RPS6KA5: variants seen among roughly 807,000 people sequenced by gnomAD.
The protein encoded by RPS6KA5 is ribosomal protein S6 kinase A5.
Under a neutral mutation model 85.5 loss-of-function variants are expected in RPS6KA5, and 27 were observed. The ratio of observed to expected loss-of-function variants is 0.32; its 90% CI spans 0.23 to 0.44. RPS6KA5 has a LOEUF of 0.44. Ranked by LOEUF, RPS6KA5 falls within the 20% of genes least tolerant of loss-of-function variation. The probability of loss-of-function intolerance (pLI) is 1.00; values close to 1 mark genes in which losing one functional copy is unlikely to be tolerated. For missense variants in RPS6KA5, 811 were observed against 980.9 expected (o/e 0.83, Z 2.31); for synonymous variants, 334 against 348.2 (o/e 0.96, Z 0.46).
intron 5 of RPS6KA5, among the ~76,000 whole-genome samples, chr14:90,935,089 C>T (rs1566761014): frequency 6.6e-6 from 1 of 152,094 alleles, no homozygotes; most frequent in Non-Finnish European, 1.5e-5. Context: ...GACTACATGT[C>T]AGTACAAATC....
intron 3 of RPS6KA5, among the ~76,000 whole-genome samples, chr14:90,958,046 A>G (rs1275403998): frequency 6.6e-6 from 1 of 152,200 alleles, no homozygotes; most frequent in Non-Finnish European, 1.5e-5. Context: ...AGGCTGAGCC[A>G]GGAGGATCGC....
chr14:91,003,602 C>T (rs1053608491), intron 1 of RPS6KA5, among the ~76,000 whole-genome samples: 6 of 152,180 alleles, frequency 3.9e-5, no homozygotes, highest in Non-Finnish European at 7.3e-5. Flanking sequence ...TTGAAGGTTT[C>T]CAGGTAATGA....
chr14:91,029,810 A>G (rs79437880), intron 1 of RPS6KA5, among the ~76,000 whole-genome samples: 6,209 of 152,280 alleles, frequency 0.041, 313 homozygotes, highest in African/African-American at 0.13. Context: ...TAATTATACA[A>G]TATATGTACA....
At chr14:90,978,160 T>G in intron 3 of RPS6KA5, 146 bp downstream of exon 3, 1 of 566,124 alleles carries the variant, frequency 1.8e-6, no homozygotes, top group Non-Finnish European at 3.0e-6. Flanking sequence ...CAATGCATGA[T>G]ATTCCAGGAG....
At chr14:90,879,368 G>C (rs1358575551) in intron 14 of RPS6KA5, among the ~76,000 whole-genome samples, 2 of 152,242 alleles carry the variant, frequency 1.3e-5, no homozygotes, top group East Asian at 3.8e-4. Flanking sequence ...TGATAAGCCT[G>C]GTTGGCAGAT....
At chr14:90,917,673 T>G (rs2036192974) in intron 7 of RPS6KA5, among the ~76,000 whole-genome samples, 1 of 152,204 alleles carries the variant, frequency 6.6e-6, no homozygotes, top group African/African-American at 2.4e-5. Context: ...TTCTCGCTTC[T>G]TTCACTTGGT....
At chr14:91,004,815 A>G (rs1484993157) in intron 1 of RPS6KA5, among the ~76,000 whole-genome samples, 1 of 151,942 alleles carries the variant, frequency 6.6e-6, no homozygotes, top group Non-Finnish European at 1.5e-5. Flanking sequence ...AAAATACAAA[A>G]AAATTAGCCG....
In RPS6KA5 at chr14:90,905,165, C is replaced by T. The variant is rs886990894; in HGVS notation, c.957+984G>A. Among the ~76,000 whole-genome samples the T allele has an allele frequency of 2.0e-5, 3 of 151,774 alleles. No individual in the cohort carries two copies. In the South Asian group the frequency reaches 6.2e-4, roughly 32 times the overall value. On this transcript the variant is annotated intron_variant, in intron 8 of 16. Transcript: ENST00000614987. Reference sequence around the variant, plus strand: ...CATTGAGAGACTAAGAGAAATATGCCTTTTTTTGAGCACAGAAGAGCAGAG... The same window carrying T: ...CATTGAGAGACTAAGAGAAATATGCTTTTTTTTGAGCACAGAAGAGCAGAG...
chr14:91,053,477 A>G (rs2043177735), intron 1 of RPS6KA5, among the ~76,000 whole-genome samples: 1 of 152,340 alleles, frequency 6.6e-6, no homozygotes, highest in South Asian at 2.1e-4. Context: ...CCACTAAACT[A>G]TTAGAACCAA....
intron 5 of RPS6KA5, among the ~76,000 whole-genome samples, chr14:90,938,734 G>A (rs1020822703): frequency 2.0e-5 from 3 of 152,206 alleles, no homozygotes; most frequent in African/African-American, 7.2e-5. Context: ...AGTCATGGCT[G>A]TAGCAGCTGG....
chr14:90,899,302 G>A (rs1247720279), intron 12 of RPS6KA5, 27 bp downstream of exon 12: 22 of 1,281,750 alleles, frequency 1.7e-5, no homozygotes, highest in African/African-American at 4.7e-5. Context: ...GTACACATGG[G>A]AAAAAAAAAA....
chr14:90,911,990 C>T (rs954424116), intron 7 of RPS6KA5, among the ~76,000 whole-genome samples: 2 of 152,068 alleles, frequency 1.3e-5, no homozygotes, highest in Admixed American at 6.5e-5. Flanking sequence ...ACTGGGGGTA[C>T]TTCCCCACCA....
intron 13 of RPS6KA5, among the ~76,000 whole-genome samples, chr14:90,893,003 G>A (rs943839340): frequency 1.7e-4 from 26 of 152,162 alleles, no homozygotes; most frequent in Non-Finnish European, 2.8e-4. Flanking sequence ...TATCAGGAAA[G>A]GAGGAATGCA....
intron 3 of RPS6KA5, among the ~76,000 whole-genome samples, chr14:90,959,415 GATCAC>G (rs1315868257): frequency 1.3e-5 from 2 of 152,286 alleles, no homozygotes; most frequent in Admixed American, 6.5e-5. Flanking sequence ...GAAGTAGGGA[GATCAC>G]TCGCAATAAT....
intron 14 of RPS6KA5, among the ~76,000 whole-genome samples, chr14:90,877,800 TGCTTTGTCAATAAC>T (rs2033576009): frequency 6.6e-6 from 1 of 152,216 alleles, no homozygotes; most frequent in African/African-American, 2.4e-5. Context: ...TGCAAACAAC[TGCTTTGTCAATAAC>T]TAGCTTCGGG....
intron 3 of RPS6KA5, among the ~76,000 whole-genome samples, chr14:90,952,153 C>T (rs2038228671): frequency 6.6e-6 from 1 of 152,210 alleles, no homozygotes; most frequent in South Asian, 2.1e-4. Flanking sequence ...AAACATTATG[C>T]TTTGTTTACC....
rs1322888245 is a variant in RPS6KA5, at chr14:90,866,929, A to T, written c.*5145T>A. 1 of 152,248 alleles carries T rather than the reference A, an allele frequency of 6.6e-6. No individual in the cohort carries two copies. Among genetic ancestry groups the T allele is most frequent in the Non-Finnish European group, 1.5e-5 (1 of 68,032 alleles). 9.4% of individuals were successfully genotyped at this position (152,248 alleles called of 1,614,324 possible). On this transcript the variant is annotated 3_prime_UTR_variant, in exon 17 of 17. Coordinates refer to ENST00000614987, the MANE Select transcript of RPS6KA5 (RefSeq NM_004755.4). ...TTATAATTTCAGCAAATAGGATAGC[A>T]GTATAGTACCTAAAATAAACTATTA... is the stretch of plus-strand genomic sequence containing the variant.
At chr14:91,043,663 G>A (rs1398446254) in intron 1 of RPS6KA5, among the ~76,000 whole-genome samples, 4 of 152,192 alleles carry the variant, frequency 2.6e-5, no homozygotes, top group Non-Finnish European at 5.9e-5. Context: ...TACCATAGAT[G>A]TCCATCAGAA....
At chr14:90,896,239 A>G (rs996196369) in intron 12 of RPS6KA5, among the ~76,000 whole-genome samples, 1 of 152,216 alleles carries the variant, frequency 6.6e-6, no homozygotes, top group Non-Finnish European at 1.5e-5. Context: ...TTTAAAAAAG[A>G]TGTAAGGCAA....
Sources: allele counts gnomAD v4.1 joint callset (sites outside exome capture counted in the v4.1 genomes callset), GRCh38; gene constraint gnomAD v4.1.1; transcripts MANE v1.5; gene names NCBI Gene and HGNC (gene_info 2026-07-23, HGNC 2026-07-21).